Variants in YTHDC1 observed in about 807,000 individuals in gnomAD.
YTHDC1 encodes the protein YTH domain-containing protein 1.
A neutral mutation model predicts 107.0 loss-of-function variants in YTHDC1; 12 were observed. The observed-to-expected ratio is 0.11, with a 90% CI of 0.07 to 0.18. The LOEUF (loss-of-function observed/expected upper bound fraction) is 0.18. Ranked by LOEUF, YTHDC1 falls within the 10% of genes least tolerant of loss-of-function variation. YTHDC1 has a pLI of 1.00. For missense variants in YTHDC1, 635 were observed against 898.8 expected, an observed-to-expected ratio of 0.71 and a Z score of 3.75; for synonymous variants, 280 against 289.5, an observed-to-expected ratio of 0.97 and a Z score of 0.33.
chr4:68,327,780 CAA>C (rs1420285268), intron 9 of YTHDC1, among the ~76,000 whole-genome samples: 23 of 152,062 alleles, frequency 1.5e-4, no homozygotes, highest in Non-Finnish European at 1.5e-5. Flanking sequence ...AATTTAAACT[CAA>C]GAGAGTTCAA....
chr4:68,344,748 G>A (rs1281825316), intron 1 of YTHDC1, among the ~76,000 whole-genome samples: 2 of 152,286 alleles, frequency 1.3e-5, no homozygotes, highest in East Asian at 3.9e-4. Flanking sequence ...TATAAAAAGA[G>A]TAACAGGTCG....
chr4:68,343,543 AT>A (rs1553907386), intron 1 of YTHDC1, among the ~76,000 whole-genome samples: 48 of 107,350 alleles, frequency 4.5e-4, no homozygotes, highest in East Asian at 2.3e-3. Context: ...AAAAAAAAAA[AT>A]TTTTTTTTTT....
chr4:68,334,447 T>C (rs944438095), intron 4 of YTHDC1, among the ~76,000 whole-genome samples: 2 of 132,028 alleles, frequency 1.5e-5, no homozygotes, highest in Admixed American at 1.5e-4. Flanking sequence ...GTTAGGCAAC[T>C]AGACTAGGGT....
chr4:68,349,888 C>G lies in YTHDC1; in HGVS notation c.-135G>C. The G allele has an allele frequency of 8.3e-7, 1 of 1,211,918 alleles. No individual in the cohort carries two copies. Among genetic ancestry groups the G allele is most frequent in the Non-Finnish European group, 1.2e-6 (1 of 840,076 alleles). 75.1% of individuals were successfully genotyped at this position (1,211,918 alleles called of 1,614,324 possible). ...CGGATACGCGCGTCGCACTTGGCCT[C>G]TTAACACTCAGCCTTCTCGACTCTT... is the stretch of plus-strand genomic sequence containing the variant. On this transcript the variant is annotated 5_prime_UTR_variant, in exon 1 of 17. Transcript: ENST00000344157.
chr4:68,330,438 TTTTA>T, intron 7 of YTHDC1, 128 bp from the exon 8 acceptor site: 1 of 551,876 alleles, frequency 1.8e-6, no homozygotes, highest in Non-Finnish European at 3.0e-6. Flanking sequence ...TGAAGAAAGG[TTTTA>T]TTTATCAGCT....
chr4:68,324,645 C>T (rs1722789412), intron 9 of YTHDC1, among the ~76,000 whole-genome samples: 2 of 152,150 alleles, frequency 1.3e-5, no homozygotes, highest in Non-Finnish European at 2.9e-5. Flanking sequence ...GGACCTTAAC[C>T]CAGCTGTTAA....
intron 1 of YTHDC1, among the ~76,000 whole-genome samples, chr4:68,345,762 G>A (rs1268648970): frequency 2.6e-5 from 4 of 152,040 alleles, no homozygotes; most frequent in African/African-American, 9.7e-5. Flanking sequence ...AATTACTATA[G>A]TGAGGGCCAT....
At position 68,337,352 on chromosome 4, in the gene YTHDC1, G is replaced by A. The variant is rs1724301829; in HGVS notation, c.558C>T (p.Gly186=). The part of the protein sequence containing the change: ...SEEYGSDHET[G]SSGSSDEQGN... The stretch of plus-strand genomic sequence containing the variant: ...CTTGCTCATCAGAAGAACCACTGCT[G>A]CCAGTCTCATGGTCAGAGCCATATT... Residue 186 remains glycine, a synonymous_variant, in exon 4 of 17, where the codon GGC becomes GGT. Coordinates refer to ENST00000344157, the MANE Select transcript of YTHDC1 (RefSeq NM_001031732.4). 2 of 1,613,964 alleles carry A rather than the reference G, an allele frequency of 1.2e-6. No individual in the cohort carries two copies. The highest frequency in any genetic ancestry group is 4.5e-5 in the East Asian group (2 of 44,880).
At chr4:68,341,868 A>T (rs1301463750) in intron 1 of YTHDC1, among the ~76,000 whole-genome samples, 1 of 152,156 alleles carries the variant, frequency 6.6e-6, no homozygotes, top group African/African-American at 2.4e-5. Context: ...AGAGGCACTT[A>T]AAAAAGGTCA....
At chr4:68,349,630 A>AGCC in intron 1 of YTHDC1, 96 bp downstream of exon 1, 31 of 153,360 alleles carry the variant, frequency 2.0e-4, no homozygotes, top group South Asian at 4.4e-4. Flanking sequence ...TAACCTCCCC[A>AGCC]ACCCCCACCC....
Position 68,337,287 on chromosome 4 carries a change from T to A in YTHDC1, c.623A>T (p.Asp208Val). The change falls in exon 4 of 17, where the codon GAT becomes GTT. Residue 208 changes from aspartate to valine, a missense_variant. Physicochemically the swap from Asp to Val is radical, Grantham distance 152. Around this residue, in one of 5 missense-constraint regions of YTHDC1, gnomAD observed 294 missense variants for 312.3 expected, o/e 0.94. Coordinates refer to ENST00000344157, the MANE Select transcript of YTHDC1 (RefSeq NM_001031732.4). ...TTCTACTTCTTCATCTTCCTCCACA[T>A]CTTCTTCCACTCCTTCCTCCTCATT... Reference protein sequence around the residue: ...TENEEEGVEEDVEEDEEVEED... With the variant: ...TENEEEGVEEVVEEDEEVEED... 1 of 1,613,206 alleles carries A rather than the reference T, an allele frequency of 6.2e-7. No homozygotes were observed. The highest frequency in any genetic ancestry group is 8.5e-7 in the Non-Finnish European group (1 of 1,179,442).
chr4:68,332,258 A>C (rs1263588982), intron 6 of YTHDC1, 61 bp from the exon 7 acceptor site: 1 of 1,084,444 alleles, frequency 9.2e-7, no homozygotes. Flanking sequence ...AAGGGGTCAA[A>C]ACTGTACTAA....
intron 9 of YTHDC1, among the ~76,000 whole-genome samples, chr4:68,324,432 C>G (rs1722764708): frequency 6.6e-6 from 1 of 152,216 alleles, no homozygotes; most frequent in Non-Finnish European, 1.5e-5. Flanking sequence ...AGAGCAAGGG[C>G]TTGAGAACCA....
intron 9 of YTHDC1, among the ~76,000 whole-genome samples, chr4:68,326,693 G>T (rs779313649): frequency 6.6e-6 from 1 of 151,950 alleles, no homozygotes; most frequent in South Asian, 2.1e-4. Context: ...TGAGTTCAAG[G>T]GATTCTCATG....
At chr4:68,324,114 T>TA in intron 10 of YTHDC1, 25 bp downstream of exon 10, 1 of 1,592,604 alleles carries the variant, frequency 6.3e-7, no homozygotes, top group Non-Finnish European at 8.6e-7. Context: ...TGTGTTTTTT[T>TA]AAAGAATCAA....
At chr4:68,336,020 T>C (rs967264238) in intron 4 of YTHDC1, among the ~76,000 whole-genome samples, 1 of 147,974 alleles carries the variant, frequency 6.8e-6, no homozygotes, top group Non-Finnish European at 1.5e-5. Context: ...ATAAAATATA[T>C]AGTATAGATA....
intron 11 of YTHDC1, among the ~76,000 whole-genome samples, chr4:68,321,451 T>C (rs1386940959): frequency 6.6e-6 from 1 of 152,206 alleles, no homozygotes; most frequent in Non-Finnish European, 1.5e-5. Context: ...GTCCAACTAC[T>C]GACTTTAAGC....
intron 11 of YTHDC1, among the ~76,000 whole-genome samples, chr4:68,320,834 T>C (rs574085763): frequency 5.9e-5 from 9 of 152,216 alleles, no homozygotes; most frequent in Admixed American, 5.9e-4. Context: ...CTTAGTAACA[T>C]TTAGTTTTTC....
chr4:68,349,630 A>ACCCCC, intron 1 of YTHDC1, 96 bp downstream of exon 1: 1 of 153,366 alleles, frequency 6.5e-6, no homozygotes, highest in South Asian at 4.4e-5. Context: ...TAACCTCCCC[A>ACCCCC]ACCCCCACCC....
Sources: gnomAD v4.1 joint callset for allele counts (sites outside exome capture counted in the v4.1 genomes callset) on GRCh38, gnomAD v4.1.1 for gene constraint, gnomAD v4.1.1 regional missense constraint, MANE v1.5 for transcripts, NCBI Gene and HGNC (gene_info 2026-07-23, HGNC 2026-07-21) for gene names.